Variants in CDC5L observed in about 807,000 individuals in gnomAD.
CDC5L encodes the protein cell division cycle 5-like protein.
CDC5L carries 18 observed loss-of-function variants against 104.1 expected under a neutral mutation model. The observed-to-expected ratio is 0.17, with a 90% confidence interval of 0.12 to 0.26. CDC5L has a LOEUF of 0.26. Ranked by LOEUF, CDC5L falls within the 10% of genes least tolerant of loss-of-function variation. The pLI is 1.00. For missense variants in CDC5L, 673 were observed against 956.9 expected, an observed-to-expected ratio of 0.70 and a Z score of 3.91; for synonymous variants, 331 against 322.7, an observed-to-expected ratio of 1.03 and a Z score of -0.28.
At chr6:44,439,721 C>T (rs982458872) in intron 14 of CDC5L, among the ~76,000 whole-genome samples, 18 of 152,170 alleles carry the variant, frequency 1.2e-4, no homozygotes, top group African/African-American at 4.3e-4. Flanking sequence ...TAATGGTAAT[C>T]AGACCTGACA....
At chr6:44,439,607 T>C (rs1351321211) in intron 14 of CDC5L, among the ~76,000 whole-genome samples, 3 of 152,340 alleles carry the variant, frequency 2.0e-5, no homozygotes, top group South Asian at 2.1e-4. Flanking sequence ...TAGACTTATA[T>C]TGAAGTTGGA....
Position 44,449,598 on chromosome 6 carries a change from A to G in CDC5L, c.*2887A>G, listed in dbSNP as rs1464408763. 1 of 152,224 alleles carries G rather than the reference A, an allele frequency of 6.6e-6. No homozygotes were observed. Among genetic ancestry groups the G allele is most frequent in the Admixed American group, 6.5e-5 (1 of 15,282 alleles). 9.4% of individuals were successfully genotyped at this position (152,224 alleles called of 1,614,324 possible). A position where few individuals can be genotyped will look rare whatever the true frequency, so the allele number is the denominator to read the frequency against. The stretch of plus-strand genomic sequence containing the variant: ...TTAAAACTTGTGTTAAGCATGTTAA[A>G]GTCTCAGTAACTTTGGGATAGAAAT... On this transcript the variant is annotated 3_prime_UTR_variant, in exon 16 of 16. Transcript: ENST00000371477.
chr6:44,396,524 G>C, intron 5 of CDC5L, 84 bp downstream of exon 5: 2 of 583,712 alleles, frequency 3.4e-6, no homozygotes, highest in South Asian at 4.5e-5. Flanking sequence ...CAGATATGTG[G>C]TTTTTTTTTT....
At chr6:44,431,631 C>G (rs149931866) in intron 14 of CDC5L, among the ~76,000 whole-genome samples, 2 of 152,178 alleles carry the variant, frequency 1.3e-5, no homozygotes, top group African/African-American at 4.8e-5. Flanking sequence ...TTTTTTCTCC[C>G]TAAATCTCAT....
At chr6:44,412,795 T>TG (rs1351805630) in intron 8 of CDC5L, among the ~76,000 whole-genome samples, 1 of 143,968 alleles carries the variant, frequency 6.9e-6, no homozygotes, top group African/African-American at 2.6e-5. Flanking sequence ...TTTTTTTTTT[T>TG]TTTTTGAGAC....
rs748815520 is a variant in CDC5L, at chr6:44,408,637, C to T, written c.1092+5C>T. The T allele has an allele frequency of 5.4e-5, 86 of 1,580,682 alleles. No individual in the cohort carries two copies. In the East Asian group the frequency reaches 1.0e-3, roughly 19 times the overall value. On this transcript the variant is annotated splice_donor_5th_base_variant and intron_variant, in intron 8 of 15. Coordinates refer to ENST00000371477, the MANE Select transcript of CDC5L (RefSeq NM_001253.4). ...TCCCAGGACAGAATTCTGCAGGTAA[C>T]GTGTCACGTAGTAGAATGAGGCTTT...
At chr6:44,416,484 C>G (rs987841587) in intron 8 of CDC5L, among the ~76,000 whole-genome samples, 1 of 152,192 alleles carries the variant, frequency 6.6e-6, no homozygotes, top group African/African-American at 2.4e-5. Context: ...GCAAGTCTGT[C>G]ACTACCTCTG....
intron 2 of CDC5L, among the ~76,000 whole-genome samples, chr6:44,391,025 CATATTTAATATGTT>C: frequency 2.1e-5 from 1 of 47,450 alleles, no homozygotes; most frequent in South Asian, 4.9e-4. Flanking sequence ...ATATATTAAA[CATATTTAATATGTT>C]ATATATTATA....
rs187519911 is a variant in CDC5L, at chr6:44,401,089, T to G, written c.540-2720T>G. ...ACTTGCCTTTTACCAGAACTTCCACTGTTTTTGATAGTACCCTTAGGCTAG... is the reference window on the plus strand; with the variant it reads ...ACTTGCCTTTTACCAGAACTTCCACGGTTTTTGATAGTACCCTTAGGCTAG... On this transcript the variant is annotated intron_variant, in intron 5 of 15. Coordinates refer to ENST00000371477, the MANE Select transcript of CDC5L (RefSeq NM_001253.4). Among the ~76,000 whole-genome samples, 82 of 152,340 alleles carry G rather than the reference T, an allele frequency of 5.4e-4. 3 individuals are homozygous for G. Among genetic ancestry groups the G allele is most frequent in the Admixed American group, 5.2e-3 (80 of 15,306 alleles).
At chr6:44,406,583 A>T in intron 7 of CDC5L, 116 bp downstream of exon 7, 1 of 911,840 alleles carries the variant, frequency 1.1e-6, no homozygotes, top group South Asian at 1.5e-5. Context: ...TAAGAAATTC[A>T]CAGTTTAATG....
intron 8 of CDC5L, among the ~76,000 whole-genome samples, chr6:44,418,158 C>A (rs1791988658): frequency 6.6e-6 from 1 of 152,048 alleles, no homozygotes; most frequent in Non-Finnish European, 1.5e-5. Context: ...CCCCCACCCT[C>A]CAACAGTCCC....
intron 1 of CDC5L, among the ~76,000 whole-genome samples, 198 bp downstream of exon 1, chr6:44,388,066 C>T (rs1790416555): frequency 6.6e-6 from 1 of 151,954 alleles, no homozygotes; most frequent in South Asian, 2.1e-4. Context: ...ACCGTGATGT[C>T]ACCACCTGGC....
intron 10 of CDC5L, 65 bp downstream of exon 10, chr6:44,422,874 A>T (rs373427878): frequency 3.6e-6 from 4 of 1,116,522 alleles, no homozygotes; most frequent in East Asian, 4.9e-5. Flanking sequence ...TGCCAAATTA[A>T]AATTTCTCCT....
intron 15 of CDC5L, among the ~76,000 whole-genome samples, chr6:44,446,352 G>T (rs1186516067): frequency 2.6e-5 from 4 of 152,198 alleles, no homozygotes; most frequent in African/African-American, 9.7e-5. Flanking sequence ...TTCTTGAAGT[G>T]CATTTGTGGG....
At chr6:44,412,992 T>C (rs952144285) in intron 8 of CDC5L, among the ~76,000 whole-genome samples, 1 of 151,272 alleles carries the variant, frequency 6.6e-6, no homozygotes, top group African/African-American at 2.4e-5. Context: ...CCGTTTTAGC[T>C]GGGATGGTCT....
chr6:44,426,532 T>C lies in CDC5L; in HGVS notation c.1701T>C (p.Asp567=). The C allele has an allele frequency of 4.4e-6, 7 of 1,599,384 alleles. No individual in the cohort carries two copies. Among genetic ancestry groups the C allele is most frequent in the Non-Finnish European group, 6.0e-6 (7 of 1,167,012 alleles). ...TAAATGTAGAACCGCCTTTAACAGA[T>C]TTACAGAAAAGTGAAGAACTAATCA... ...RPLNVEPPLT[D]LQKSEELIKK... Residue 567 remains aspartate, a synonymous_variant, in exon 13 of 16, where the codon GAT becomes GAC. Transcript: ENST00000371477.
rs143379843 is a variant in CDC5L at position 44,421,200 on chromosome 6, C to T, written c.1242-1447C>T. ...ATCCATCATAATTTTTAATGCATTT[C>T]GAAGTAACTTGCAGGTAGCAGTTTG... is the stretch of plus-strand genomic sequence containing the variant. On this transcript the variant is annotated intron_variant, in intron 9 of 15. Coordinates refer to ENST00000371477, the MANE Select transcript of CDC5L (RefSeq NM_001253.4). Among the ~76,000 whole-genome samples, 214 of 152,274 alleles carry T rather than the reference C, an allele frequency of 1.4e-3. 1 individual carries two copies. Among genetic ancestry groups the T allele is most frequent in the Non-Finnish European group, 1.7e-3 (118 of 68,014 alleles).
At chr6:44,437,978 CT>C (rs1793011538) in intron 14 of CDC5L, among the ~76,000 whole-genome samples, 1 of 152,148 alleles carries the variant, frequency 6.6e-6, no homozygotes, top group African/African-American at 2.4e-5. Context: ...GAGACAGGGT[CT>C]TTCTCTGTTG....
In CDC5L at chr6:44,419,434, C is replaced by G; in HGVS notation, c.1093-15C>G. On this transcript the variant is annotated splice_polypyrimidine_tract_variant and intron_variant, in intron 8 of 15. Coordinates refer to ENST00000371477, the MANE Select transcript of CDC5L (RefSeq NM_001253.4). ...TAAACTTTTAAACTTGCTTCTTTGT[C>G]TTCTTGTTAATCAGGAAGCCCAGAA... The G allele has an allele frequency of 6.2e-7, 1 of 1,612,688 alleles. No individual in the cohort carries two copies. The highest frequency in any genetic ancestry group is 8.5e-7 in the Non-Finnish European group (1 of 1,179,432).
Sources: allele counts gnomAD v4.1 joint callset (sites outside exome capture counted in the v4.1 genomes callset), GRCh38; gene constraint gnomAD v4.1.1; transcripts MANE v1.5; gene names NCBI Gene and HGNC (gene_info 2026-07-23, HGNC 2026-07-21).